The following MITD1 variants were observed in gnomAD, a reference collection of about 807,000 sequenced individuals.
MITD1 encodes the protein microtubule interacting and trafficking domain containing 1.
Under a neutral mutation model 34.9 loss-of-function variants are expected in MITD1, and 24 were observed. That is an observed-to-expected ratio of 0.69 (90% CI 0.50 to 0.97). The LOEUF (loss-of-function observed/expected upper bound fraction) is 0.97, where lower values mean the gene tolerates loss of function less well. Ranked by LOEUF, MITD1 falls within the 50% of genes least tolerant of loss-of-function variation. The pLI is 0.00. For missense variants in MITD1, 266 were observed against 294.6 expected (o/e 0.90, Z 0.71); for synonymous variants, 102 against 101.4 (o/e 1.01, Z -0.04).
rs1273287441 is a variant in MITD1 at position 99,180,846 on chromosome 2, G to A, written c.136C>T (p.Leu46=). ...CATTGCTCACCTTTCAGAACCTGCA[G>A]GAGCAGATCAATCCCCTCTTGGTAA... ...VCYQEGIDLL[L]QVLKGTKDNT... The change falls in exon 1 of 7, where the codon CTG becomes TTG. Residue 46 remains leucine (L), a synonymous_variant. Transcript: ENST00000289359. 1.9e-6 allele frequency: 3 copies of A among 1,614,112 alleles called. No individual in the cohort carries two copies. Among genetic ancestry groups the A allele is most frequent in the South Asian group, 2.2e-5 (2 of 91,074 alleles).
downstream of MITD1, among the ~76,000 whole-genome samples, chr2:99,165,981 G>A (rs2093825075): frequency 6.6e-6 from 1 of 152,172 alleles, no homozygotes; most frequent in Admixed American, 6.5e-5. Flanking sequence ...CCTTGCATCA[G>A]TGTCAGCAGG....
At chr2:99,162,443 C>G in intron 7 of MITD1, 1 of 1,614,022 alleles carries the variant, frequency 6.2e-7, no homozygotes, top group Non-Finnish European at 8.5e-7. Context: ...AGTTTAAAAT[C>G]TCAGGAACAG....
downstream of MITD1, among the ~76,000 whole-genome samples, chr2:99,168,843 A>T (rs1459567661): frequency 6.6e-6 from 1 of 151,356 alleles, no homozygotes; most frequent in Non-Finnish European, 1.5e-5. Context: ...GCAGTGGTGC[A>T]GTCTCAGCTC....
At chr2:99,163,672 C>T (rs942995553) in intron 7 of MITD1, among the ~76,000 whole-genome samples, 1 of 152,102 alleles carries the variant, frequency 6.6e-6, no homozygotes, top group African/African-American at 2.4e-5. Context: ...ATTTCAGCTG[C>T]TGCTGCTTTT....
downstream of MITD1, among the ~76,000 whole-genome samples, chr2:99,165,874 C>T (rs111830491): frequency 2.0e-5 from 3 of 152,088 alleles, no homozygotes; most frequent in Admixed American, 1.3e-4. Flanking sequence ...CTGGAAGTAG[C>T]GACAGGGGCC....
chr2:99,181,013 G>T lies in MITD1; in HGVS notation c.-32C>A. On this transcript the variant is annotated 5_prime_UTR_variant, in exon 1 of 7. The change creates a new upstream start codon in the 5' untranslated region. Coordinates refer to ENST00000289359, the MANE Select transcript of MITD1 (RefSeq NM_138798.3). ...GGAAGTTCTCCTCCGCCTCAACCCA[G>T]GATGAAGTTGAGCGGGTCTGCTGCG... 1 of 1,602,392 alleles carries T rather than the reference G, an allele frequency of 6.2e-7. No homozygotes were observed. Among genetic ancestry groups the T allele is most frequent in the Non-Finnish European group, 8.5e-7 (1 of 1,173,674 alleles).
chr2:99,166,476 G>A (rs1574820224), downstream of MITD1, among the ~76,000 whole-genome samples: 2 of 125,482 alleles, frequency 1.6e-5, no homozygotes, highest in South Asian at 5.4e-4. Flanking sequence ...AATAGGTGGT[G>A]AGGAAATAAG....
At chr2:99,176,030 T>TCCC (rs1220544559) in intron 1 of MITD1, among the ~76,000 whole-genome samples, 1 of 152,148 alleles carries the variant, frequency 6.6e-6, no homozygotes, top group Non-Finnish European at 1.5e-5. Flanking sequence ...AACCTCTGCC[T>TCCC]CCCAGGCACA....
chr2:99,178,478 C>A (rs2093899015), intron 1 of MITD1: 1 of 152,178 alleles, frequency 6.6e-6, no homozygotes, highest in South Asian at 2.1e-4. Flanking sequence ...AGACAAAATT[C>A]TCTTCTATTG....
downstream of MITD1, among the ~76,000 whole-genome samples, chr2:99,165,019 T>TACACACACACACACACACACACACACAC: frequency 7.3e-6 from 1 of 136,766 alleles, no homozygotes; most frequent in African/African-American, 2.8e-5. Context: ...CAAAATGGCA[T>TACACACACACACACACACACACACACAC]ACACACACAC....
intron 7 of MITD1, chr2:99,163,107 C>T: frequency 7.8e-7 from 1 of 1,286,470 alleles, no homozygotes; most frequent in African/African-American, 1.5e-5. Context: ...AATACAGTTT[C>T]AATTAGAAAA....
At chr2:99,175,243 C>T (rs749697789) in intron 1 of MITD1, among the ~76,000 whole-genome samples, 11 of 152,164 alleles carry the variant, frequency 7.2e-5, no homozygotes, top group Admixed American at 4.6e-4. Flanking sequence ...CACCAATTTT[C>T]CCACTAATGA....
downstream of MITD1, among the ~76,000 whole-genome samples, chr2:99,168,173 C>T (rs564435583): frequency 2.6e-5 from 4 of 152,128 alleles, no homozygotes; most frequent in Non-Finnish European, 5.9e-5. Flanking sequence ...TGGAGTTTTA[C>T]TCTTGTTGCC....
chr2:99,163,065 A>G (rs749012007), intron 7 of MITD1: 3 of 1,554,894 alleles, frequency 1.9e-6, no homozygotes, highest in Non-Finnish European at 2.6e-6. Flanking sequence ...TGAAAAAATT[A>G]AGGGAATAAT....
At chr2:99,171,953 G>C in intron 2 of MITD1, 1 of 297,398 alleles carries the variant, frequency 3.4e-6, no homozygotes, top group South Asian at 4.8e-5. Flanking sequence ...TTGTTGAAGG[G>C]AGTAGTGTAT....
intron 7 of MITD1, chr2:99,163,149 A>T (rs1194231310): frequency 4.9e-6 from 5 of 1,024,728 alleles, no homozygotes; most frequent in Non-Finnish European, 6.7e-6. Flanking sequence ...ATTGTATGTC[A>T]AAAAAAAACC....
At chr2:99,167,970 A>G (rs1376023175), downstream of MITD1, among the ~76,000 whole-genome samples, 1 of 152,206 alleles carries the variant, frequency 6.6e-6, no homozygotes, top group African/African-American at 2.4e-5. Flanking sequence ...GGCTTGCCCA[A>G]GACCACTCTG....
intron 1 of MITD1, among the ~76,000 whole-genome samples, chr2:99,176,860 C>G (rs1350353006): frequency 1.3e-5 from 2 of 152,136 alleles, no homozygotes; most frequent in Non-Finnish European, 2.9e-5. Flanking sequence ...GCCTCGGTCA[C>G]TTTTATTGAA....
chr2:99,173,709 A>G (rs1398924930), intron 2 of MITD1: 2 of 587,696 alleles, frequency 3.4e-6, no homozygotes, highest in East Asian at 3.0e-5. Flanking sequence ...CCCACCCCCA[A>G]CTAAAAACAA....
Sources: gnomAD v4.1 joint callset for allele counts (sites outside exome capture counted in the v4.1 genomes callset) on GRCh38, gnomAD v4.1.1 for gene constraint, MANE v1.5 for transcripts, NCBI Gene and HGNC (gene_info 2026-07-23, HGNC 2026-07-21) for gene names.